The following SUGCT variants were observed in gnomAD, a reference collection of about 807,000 sequenced individuals.
SUGCT encodes the protein succinyl-CoA:glutarate-CoA transferase.
In SUGCT, 41 loss-of-function variants were observed where a neutral mutation model predicts 55.0. The observed-to-expected ratio is 0.74, with a 90% CI of 0.58 to 0.97. The LOEUF is 0.97. Ranked by LOEUF, SUGCT falls within the 50% of genes least tolerant of loss-of-function variation. SUGCT has a pLI of 0.00. For synonymous variants in SUGCT, 187 were observed against 200.4 expected (o/e 0.93, Z 0.56); for missense variants, 568 against 547.8 (o/e 1.04, Z -0.37).
At chr7:40,259,090 T>A (rs1791040633) in intron 7 of SUGCT, among the ~76,000 whole-genome samples, 1 of 152,144 alleles carries the variant, frequency 6.6e-6, no homozygotes, top group Admixed American at 6.5e-5. Flanking sequence ...ATGACCTCAC[T>A]TATATATGGA....
chr7:40,315,750 C>T (rs951510380), intron 8 of SUGCT, among the ~76,000 whole-genome samples: 4 of 152,126 alleles, frequency 2.6e-5, no homozygotes, highest in Non-Finnish European at 4.4e-5. Flanking sequence ...GTTTTCCAAT[C>T]GCATCTGACG....
intron 12 of SUGCT, among the ~76,000 whole-genome samples, chr7:40,604,526 A>G (rs1052088945): frequency 2.6e-5 from 4 of 152,158 alleles, no homozygotes; most frequent in Non-Finnish European, 4.4e-5. Flanking sequence ...TGAGCCTTTT[A>G]ATAGACTAGT....
chr7:40,920,897 C>T, the SUGCT span, among the ~76,000 whole-genome samples: 13 of 152,196 alleles, frequency 8.5e-5, no homozygotes, highest in Non-Finnish European at 1.9e-4. Context: ...AAGAAAAGAA[C>T]AAAATGCCAA....
chr7:40,330,901 G>C (rs1032239586), intron 9 of SUGCT, among the ~76,000 whole-genome samples: 2 of 152,066 alleles, frequency 1.3e-5, no homozygotes, highest in Non-Finnish European at 2.9e-5. Context: ...CTTATGACCA[G>C]AAACAGAATT....
At chr7:40,811,074 T>TA (rs1348891958) in intron 13 of SUGCT, among the ~76,000 whole-genome samples, 1 of 152,210 alleles carries the variant, frequency 6.6e-6, no homozygotes, top group Non-Finnish European at 1.5e-5. Context: ...TGGCTATAGG[T>TA]ATGCAACTTT....
rs190759325 is a variant in SUGCT at position 40,141,266 on chromosome 7, C to T, written c.100+6146C>T. ...AATGTAGGCTCACTGCAAAGGCCTC[C>T]CAAAGTGCTGGGATTACAGGCATGA... On this transcript the variant is annotated intron_variant, in intron 1 of 13. Transcript: ENST00000335693. Among the ~76,000 whole-genome samples, 90 of 151,952 alleles carry T rather than the reference C, an allele frequency of 5.9e-4. 1 individual carries two copies. The highest frequency in any genetic ancestry group is 2.1e-3 in the African/African-American group (85 of 41,448).
At chr7:40,713,859 CT>C (rs1457257848) in intron 12 of SUGCT, among the ~76,000 whole-genome samples, 18 of 152,192 alleles carry the variant, frequency 1.2e-4, no homozygotes, top group Admixed American at 5.2e-4. Flanking sequence ...ATAAACTTTT[CT>C]CCATATTCTC....
At chr7:40,371,763 T>C (rs1283861673) in intron 9 of SUGCT, among the ~76,000 whole-genome samples, 2 of 152,146 alleles carry the variant, frequency 1.3e-5, no homozygotes, top group Non-Finnish European at 2.9e-5. Flanking sequence ...AACATCAATA[T>C]TGTTCTGATC....
At chr7:40,906,528 A>C in the SUGCT span, among the ~76,000 whole-genome samples, 1 of 152,244 alleles carries the variant, frequency 6.6e-6, no homozygotes, top group African/African-American at 2.4e-5. Flanking sequence ...TACAGATAGA[A>C]AATATTTTTT....
chr7:40,567,623 C>G (rs562796750), intron 12 of SUGCT, among the ~76,000 whole-genome samples: 1 of 152,286 alleles, frequency 6.6e-6, no homozygotes, highest in South Asian at 2.1e-4. Context: ...TGAGGGCTCT[C>G]AAGAAAGTGG....
intron 3 of SUGCT, among the ~76,000 whole-genome samples, chr7:40,182,368 A>G (rs1353696504): frequency 6.6e-6 from 1 of 152,050 alleles, no homozygotes; most frequent in Non-Finnish European, 1.5e-5. Context: ...GGACTTCGAG[A>G]CCAGCCTGGC....
the SUGCT span, among the ~76,000 whole-genome samples, chr7:40,931,664 T>A: frequency 1.6e-4 from 25 of 152,198 alleles, no homozygotes; most frequent in African/African-American, 5.8e-4. Flanking sequence ...GGTGTACATG[T>A]CCAGGAATTT....
chr7:40,399,681 G>A (rs1317875240), intron 9 of SUGCT, among the ~76,000 whole-genome samples: 2 of 152,156 alleles, frequency 1.3e-5, no homozygotes, highest in East Asian at 3.8e-4. Flanking sequence ...AATGAAATGA[G>A]CATATTAGCT....
At chr7:40,396,651 C>T (rs1320130062) in intron 9 of SUGCT, among the ~76,000 whole-genome samples, 3 of 152,218 alleles carry the variant, frequency 2.0e-5, no homozygotes, top group African/African-American at 7.2e-5. Flanking sequence ...AGAGAAACCA[C>T]ATGCATACAA....
chr7:40,600,959 A>G (rs1238207615), intron 12 of SUGCT, among the ~76,000 whole-genome samples: 1 of 152,232 alleles, frequency 6.6e-6, no homozygotes, highest in Non-Finnish European at 1.5e-5. Context: ...TGGTCAAAAC[A>G]TGAAATGTAC....
At chr7:40,772,627 CTA>C (rs2128729737) in intron 13 of SUGCT, among the ~76,000 whole-genome samples, 1 of 146,042 alleles carries the variant, frequency 6.8e-6, no homozygotes, top group East Asian at 2.0e-4. Flanking sequence ...ATCTATCTAT[CTA>C]TCTCTATCAT....
chr7:40,891,526 A>G, the SUGCT span, among the ~76,000 whole-genome samples: 4 of 152,236 alleles, frequency 2.6e-5, no homozygotes, highest in Non-Finnish European at 4.4e-5. Flanking sequence ...TGAAAGAAAA[A>G]AAGAACAAAA....
intron 9 of SUGCT, among the ~76,000 whole-genome samples, chr7:40,350,884 G>A (rs138305951): frequency 2.7e-3 from 409 of 151,772 alleles, no homozygotes; most frequent in Non-Finnish European, 4.5e-3. Flanking sequence ...GAGAACATGC[G>A]GTGTTTGTTT....
intron 6 of SUGCT, among the ~76,000 whole-genome samples, chr7:40,211,219 G>T (rs1293329287): frequency 6.6e-6 from 1 of 151,176 alleles, no homozygotes; most frequent in African/African-American, 2.4e-5. Context: ...TTGGTTGATT[G>T]ATCTGATTGA....
Sources: gnomAD v4.1 joint callset for allele counts (sites outside exome capture counted in the v4.1 genomes callset) on GRCh38, gnomAD v4.1.1 for gene constraint, MANE v1.5 for transcripts, NCBI Gene and HGNC (gene_info 2026-07-23, HGNC 2026-07-21) for gene names.